The following NNT variants were observed in gnomAD, a reference collection of about 807,000 sequenced individuals.
The protein encoded by NNT is nicotinamide nucleotide transhydrogenase.
Under a neutral mutation model 104.8 loss-of-function variants are expected in NNT, and 50 were observed. The ratio of observed to expected loss-of-function variants is 0.48; its 90% confidence interval spans 0.38 to 0.60. NNT has a LOEUF of 0.60. Among genes scored for constraint, NNT ranks in the 20% least tolerant of loss-of-function variants. The pLI is 0.00. For synonymous variants in NNT, 461 were observed against 490.4 expected (o/e 0.94, Z 0.79); for missense variants, 1,131 against 1,330.7 (o/e 0.85, Z 2.33).
intron 10 of NNT, 117 bp from the exon 11 acceptor site, chr5:43,649,030 T>C: frequency 1.7e-6 from 2 of 1,180,674 alleles, no homozygotes; most frequent in Non-Finnish European, 2.4e-6. Flanking sequence ...TGCTCATTAC[T>C]GGCAAGGGAG....
chr5:43,675,104 G>A (rs773524712), intron 17 of NNT, among the ~76,000 whole-genome samples: 2 of 152,160 alleles, frequency 1.3e-5, no homozygotes, highest in African/African-American at 2.4e-5. Context: ...ATTCTTACCA[G>A]TTGCTTCTTC....
chr5:43,663,409 C>CTCG (rs1357150100), intron 17 of NNT, among the ~76,000 whole-genome samples: 3 of 152,198 alleles, frequency 2.0e-5, no homozygotes, highest in Non-Finnish European at 2.9e-5. Flanking sequence ...ATGATCTCTA[C>CTCG]TCCTAGGCAT....
At chr5:43,627,384 T>C (rs1055853743) in intron 6 of NNT, among the ~76,000 whole-genome samples, 6 of 152,182 alleles carry the variant, frequency 3.9e-5, no homozygotes, top group African/African-American at 1.4e-4. Flanking sequence ...CTAAAAATAA[T>C]ATAGTGTCTG....
chr5:43,658,939 G>A (rs1449475025), intron 16 of NNT, among the ~76,000 whole-genome samples: 5 of 152,012 alleles, frequency 3.3e-5, no homozygotes, highest in Admixed American at 3.3e-4. Context: ...TCACTGAAAA[G>A]TGTTTTTTTA....
rs557876014 is a variant in NNT at position 43,614,562 on chromosome 5, C to CAT, written c.382-1283_382-1282dup. On this transcript the variant is annotated intron_variant, in intron 3 of 21. Coordinates refer to ENST00000344920, the MANE Select transcript of NNT (RefSeq NM_182977.3). ...TTAATTAAAGTCCAGAACCTAGAAA[C>CAT]ATATGCATCACCAGATCAACAACTG... is the stretch of plus-strand genomic sequence containing the variant. Among the ~76,000 whole-genome samples the CAT allele has an allele frequency of 7.2e-5, 11 of 152,286 alleles. No homozygotes were observed. The South Asian group carries it at 2.3e-3, about 32-fold the overall frequency.
intron 15 of NNT, 69 bp downstream of exon 15, chr5:43,656,142 T>A: frequency 7.4e-7 from 1 of 1,343,382 alleles, no homozygotes; most frequent in Non-Finnish European, 1.1e-6. Flanking sequence ...CATTTTAATT[T>A]CAGAAAATAC....
intron 3 of NNT, among the ~76,000 whole-genome samples, chr5:43,615,538 G>T (rs1281919917): frequency 2.0e-5 from 3 of 152,142 alleles, no homozygotes; most frequent in Admixed American, 6.5e-5. Flanking sequence ...GGGACTGCAG[G>T]TTTGCTGTAG....
chr5:43,609,161 A>T lies in NNT; in HGVS notation c.-35A>T. The T allele has an allele frequency of 6.3e-7, 1 of 1,582,732 alleles. No individual in the cohort carries two copies. ...TTCTTAGTGATTTGCCTTCAAGGAA[A>T]CTGGGGAGTCAGAAAATTGGGAACT... is the stretch of plus-strand genomic sequence containing the variant. On this transcript the variant is annotated 5_prime_UTR_variant, in exon 2 of 22. Coordinates refer to ENST00000344920, the MANE Select transcript of NNT (RefSeq NM_182977.3).
intron 4 of NNT, among the ~76,000 whole-genome samples, chr5:43,616,543 T>C (rs1749800161): frequency 6.6e-6 from 1 of 152,260 alleles, no homozygotes; most frequent in Admixed American, 6.5e-5. Context: ...AGGTCTGGAC[T>C]AGAGGAAGTT....
chr5:43,694,514 A>AT (rs1328644015), intron 19 of NNT, among the ~76,000 whole-genome samples: 1 of 152,034 alleles, frequency 6.6e-6, no homozygotes, highest in African/African-American at 2.4e-5. Flanking sequence ...TATTGAAAGC[A>AT]TTTTCTGCAT....
Position 43,633,218 on chromosome 5 carries a change from C to G in NNT, c.964+4831C>G, listed in dbSNP as rs113983671. 6.4e-3 allele frequency among the ~76,000 whole-genome samples: 980 copies of G among 152,314 alleles called. 8 individuals are homozygous for G. Among genetic ancestry groups the G allele is most frequent in the South Asian group, 0.011 (54 of 4,826 alleles). ...CCATCTAAACTGAACAGAGTTGGAT[C>G]ATAGTCTCCCACTCCCCAATTACCT... On this transcript the variant is annotated intron_variant, in intron 7 of 21. Transcript: ENST00000344920.
chr5:43,695,241 C>T (rs1742498829), intron 19 of NNT, among the ~76,000 whole-genome samples: 1 of 152,178 alleles, frequency 6.6e-6, no homozygotes, highest in African/African-American at 2.4e-5. Flanking sequence ...ATCTATAGCT[C>T]TTTTCAGGTC....
At chr5:43,668,249 T>A (rs1458911395) in intron 17 of NNT, among the ~76,000 whole-genome samples, 1 of 151,760 alleles carries the variant, frequency 6.6e-6, no homozygotes, top group Non-Finnish European at 1.5e-5. Context: ...TGGTGGTTTT[T>A]TTTTTTTTTT....
chr5:43,620,632 T>C (rs1413119551), intron 5 of NNT, among the ~76,000 whole-genome samples: 2 of 151,400 alleles, frequency 1.3e-5, no homozygotes, highest in Non-Finnish European at 2.9e-5. Context: ...AATTATATTG[T>C]TTTGAAAAAC....
At chr5:43,610,201 CTTTTTTTTT>C (rs3054076) in intron 2 of NNT, among the ~76,000 whole-genome samples, 1 of 126,130 alleles carries the variant, frequency 7.9e-6, no homozygotes, top group African/African-American at 3.0e-5. Flanking sequence ...AACTGTCTGT[CTTTTTTTTT>C]TTTTTTTTTT....
At chr5:43,666,918 C>G in intron 17 of NNT, 1 of 1,580,390 alleles carries the variant, frequency 6.3e-7, no homozygotes, top group East Asian at 2.2e-5. Flanking sequence ...AAACACGCTT[C>G]CCAAGCTTGG....
intron 18 of NNT, among the ~76,000 whole-genome samples, chr5:43,676,988 G>A (rs976621626): frequency 6.6e-6 from 1 of 152,124 alleles, no homozygotes; most frequent in African/African-American, 2.4e-5. Context: ...AGGTAGAATG[G>A]ACAGAAAGGA....
intron 7 of NNT, among the ~76,000 whole-genome samples, chr5:43,628,744 G>A (rs982398664): frequency 4.6e-5 from 7 of 152,092 alleles, no homozygotes; most frequent in Non-Finnish European, 1.0e-4. Flanking sequence ...CCACCACCAC[G>A]TCTGGTTAAT....
At chr5:43,624,583 G>T (rs1294194825) in intron 6 of NNT, among the ~76,000 whole-genome samples, 1 of 152,180 alleles carries the variant, frequency 6.6e-6, no homozygotes, top group Non-Finnish European at 1.5e-5. Context: ...TATGCTTTCT[G>T]TGTTTTATGT....
Sources: gnomAD v4.1 joint callset for allele counts (sites outside exome capture counted in the v4.1 genomes callset) on GRCh38, gnomAD v4.1.1 for gene constraint, MANE v1.5 for transcripts, NCBI Gene and HGNC (gene_info 2026-07-23, HGNC 2026-07-21) for gene names.